Variants in COL4A1 observed in about 807,000 individuals in gnomAD.
COL4A1 encodes collagen alpha-1(IV) chain.
COL4A1 carries 40 observed loss-of-function variants against 216.6 expected under a neutral mutation model. The observed-to-expected ratio is 0.18, with a 90% CI of 0.14 to 0.24. The LOEUF (loss-of-function observed/expected upper bound fraction) is 0.24, where lower values mean the gene tolerates loss of function less well. COL4A1 is among the 10% of genes least tolerant of loss of function. The pLI is 1.00. For missense variants in COL4A1, 1,628 were observed against 2,196.8 expected (o/e 0.74, Z 5.18); for synonymous variants, 839 against 810.7 (o/e 1.03, Z -0.59).
intron 1 of COL4A1, among the ~76,000 whole-genome samples, chr13:110,296,922 A>C (rs1316632179): frequency 1.3e-5 from 2 of 152,226 alleles, no homozygotes; most frequent in East Asian, 3.8e-4. Flanking sequence ...TACCCAGAAC[A>C]TGGAAGAGAG....
chr13:110,288,153 A>G (rs917112371), intron 1 of COL4A1, among the ~76,000 whole-genome samples: 3 of 151,558 alleles, frequency 2.0e-5, no homozygotes, highest in Non-Finnish European at 4.4e-5. Flanking sequence ...AATCCCAGTT[A>G]CTCGGGAGGC....
chr13:110,200,927 G>A, intron 19 of COL4A1, 38 bp from the exon 20 acceptor site: 1 of 1,608,250 alleles, frequency 6.2e-7, no homozygotes, highest in African/African-American at 1.3e-5. Flanking sequence ...AAACAGAACA[G>A]TTCACCCGTT....
At chr13:110,165,047 C>A (rs1877274441) in intron 45 of COL4A1, 57 bp from the exon 46 acceptor site, 3 of 1,574,100 alleles carry the variant, frequency 1.9e-6, no homozygotes, top group African/African-American at 1.4e-5. Context: ...GGGGCGGAAA[C>A]AACTTTAGAA....
chr13:110,164,585 G>A (rs1269560711), intron 46 of COL4A1, among the ~76,000 whole-genome samples: 3 of 152,204 alleles, frequency 2.0e-5, no homozygotes, highest in African/African-American at 7.2e-5. Flanking sequence ...GAAAGGTAAT[G>A]ATCTGGTTCT....
chr13:110,220,709 G>GA (rs1880435436), intron 2 of COL4A1, among the ~76,000 whole-genome samples: 1 of 152,114 alleles, frequency 6.6e-6, no homozygotes, highest in Non-Finnish European at 1.5e-5. Context: ...GCTTGGTTCT[G>GA]ACTACTCCCA....
At position 110,170,811 on chromosome 13, in the gene COL4A1, GATGAGGCGTGCCTCATCCTGT is replaced by G; in HGVS notation, c.3557-100_3557-80del. On this transcript the variant is annotated intron_variant, in intron 41 of 51. Coordinates refer to ENST00000375820, the MANE Select transcript of COL4A1 (RefSeq NM_001845.6). ...TCTCCAGCGTGGACGGCAGAGATGG[GATGAGGCGTGCCTCATCCTGT>G]AGGTACCGCTCAGAGGGAGCTTCCA... is the stretch of plus-strand genomic sequence containing the variant. The G allele has an allele frequency of 2.0e-6, 3 of 1,492,944 alleles. No individual in the cohort carries two copies. In the South Asian group the frequency reaches 3.4e-5, roughly 17 times the overall value. The allele number at this position is 1,492,944 out of a possible 1,614,324, so 92.5% of individuals were successfully genotyped here. A position where few individuals can be genotyped will look rare whatever the true frequency, so the allele number is the denominator to read the frequency against.
intron 42 of COL4A1, 102 bp downstream of exon 42, chr13:110,170,445 A>C: frequency 7.6e-7 from 1 of 1,312,808 alleles, no homozygotes. Context: ...AGACTTCTAA[A>C]TAAAAAAGCC....
At chr13:110,288,232 C>T (rs1368492917) in intron 1 of COL4A1, among the ~76,000 whole-genome samples, 1 of 150,454 alleles carries the variant, frequency 6.6e-6, no homozygotes, top group African/African-American at 2.4e-5. Context: ...CCATTGCACT[C>T]CAGCCTGAAA....
chr13:110,299,093 A>C (rs1012228358), intron 1 of COL4A1, among the ~76,000 whole-genome samples: 5 of 152,202 alleles, frequency 3.3e-5, no homozygotes, highest in Admixed American at 2.0e-4. Context: ...CAGGAGCAGA[A>C]ATCAACGGAA....
chr13:110,274,148 A>G (rs1447851144), intron 1 of COL4A1, among the ~76,000 whole-genome samples: 1 of 152,252 alleles, frequency 6.6e-6, no homozygotes, highest in African/African-American at 2.4e-5. Flanking sequence ...CCTGTTCCCA[A>G]TGAACACAAT....
chr13:110,178,279 G>T (rs373444585), intron 31 of COL4A1, 48 bp from the exon 32 acceptor site: 1 of 1,608,568 alleles, frequency 6.2e-7, no homozygotes, highest in African/African-American at 1.3e-5. Flanking sequence ...TTTACAGAAT[G>T]ATCTACAATG....
At chr13:110,264,643 G>A (rs1225393592) in intron 1 of COL4A1, among the ~76,000 whole-genome samples, 2 of 152,342 alleles carry the variant, frequency 1.3e-5, no homozygotes. Flanking sequence ...TTTAAAGAAG[G>A]AAATTGTTTT....
chr13:110,163,400 T>C, intron 47 of COL4A1, 63 bp downstream of exon 47: 1 of 1,447,946 alleles, frequency 6.9e-7, no homozygotes, highest in African/African-American at 1.4e-5. Context: ...CATGCCTGGT[T>C]CTGCTCCTTC....
intron 1 of COL4A1, among the ~76,000 whole-genome samples, chr13:110,245,935 G>A (rs1881788632): frequency 6.6e-6 from 1 of 151,720 alleles, no homozygotes; most frequent in African/African-American, 2.4e-5. Flanking sequence ...ACCACCTTAC[G>A]CTTTTTCATA....
intron 41 of COL4A1, among the ~76,000 whole-genome samples, chr13:110,171,345 G>A (rs745553693): frequency 6.6e-6 from 1 of 152,190 alleles, no homozygotes; most frequent in Non-Finnish European, 1.5e-5. Flanking sequence ...TGAAGCCACG[G>A]AGGAGACTTT....
chr13:110,227,182 C>G (rs1880770815), intron 2 of COL4A1, among the ~76,000 whole-genome samples: 1 of 151,984 alleles, frequency 6.6e-6, no homozygotes. Context: ...TACTTAATGT[C>G]AATAGACTAA....
chr13:110,222,017 T>G (rs1880504725), intron 2 of COL4A1, among the ~76,000 whole-genome samples: 2 of 152,120 alleles, frequency 1.3e-5, no homozygotes, highest in African/African-American at 2.4e-5. Flanking sequence ...GGCTCCGGGC[T>G]CCATCAACAA....
intron 49 of COL4A1, chr13:110,160,905 C>T (rs1469694404): frequency 2.8e-5 from 12 of 421,354 alleles, no homozygotes; most frequent in African/African-American, 2.2e-4. Context: ...GATGAAGTCT[C>T]GTCATCTTGC....
At chr13:110,262,918 A>G (rs1167569384) in intron 1 of COL4A1, among the ~76,000 whole-genome samples, 1 of 152,214 alleles carries the variant, frequency 6.6e-6, no homozygotes, top group African/African-American at 2.4e-5. Context: ...GGCGGCTGCT[A>G]GCACTGATCC....
Sources: gnomAD v4.1 joint callset for allele counts (sites outside exome capture counted in the v4.1 genomes callset) on GRCh38, gnomAD v4.1.1 for gene constraint, MANE v1.5 for transcripts, NCBI Gene and HGNC (gene_info 2026-07-23, HGNC 2026-07-21) for gene names.